The following USP32 variants were observed in gnomAD, a reference collection of about 807,000 sequenced individuals.
The protein encoded by USP32 is ubiquitin specific peptidase 32, also known as ubiquitin carboxyl-terminal hydrolase 32.
USP32 carries 59 observed loss-of-function variants against 204.8 expected under a neutral mutation model. That is an observed-to-expected ratio of 0.29 (90% CI 0.23 to 0.36). The LOEUF (loss-of-function observed/expected upper bound fraction) is 0.36, where lower values mean the gene tolerates loss of function less well. Ranked by LOEUF, USP32 falls within the 10% of genes least tolerant of loss-of-function variation. The pLI, the probability that USP32 is intolerant of heterozygous loss-of-function variation, is 1.00. For synonymous variants in USP32, 517 were observed against 678.4 expected, an observed-to-expected ratio of 0.76 and a Z score of 3.70; for missense variants, 1,160 against 1,946.4, an observed-to-expected ratio of 0.60 and a Z score of 7.60.
At chr17:60,253,847 T>G (rs76417585) in intron 10 of USP32, among the ~76,000 whole-genome samples, 308 of 152,320 alleles carry the variant, frequency 2.0e-3, no homozygotes, top group African/African-American at 7.1e-3. Flanking sequence ...TTTATAGTGG[T>G]GATCTATATT....
chr17:60,208,278 C>G (rs1272811910), intron 23 of USP32, 68 bp from the exon 24 acceptor site: 3 of 1,446,618 alleles, frequency 2.1e-6, no homozygotes, highest in Admixed American at 5.0e-5. Context: ...ATGCTGTGTA[C>G]AGATATATCT....
At chr17:60,197,399 G>A (rs1567757805) in intron 27 of USP32, among the ~76,000 whole-genome samples, 1 of 152,158 alleles carries the variant, frequency 6.6e-6, no homozygotes, top group Admixed American at 6.5e-5. Flanking sequence ...GAGGTTGGAA[G>A]TTTGAGAACA....
chr17:60,366,313 C>T (rs1227123303), intron 1 of USP32, among the ~76,000 whole-genome samples: 1 of 152,134 alleles, frequency 6.6e-6, no homozygotes, highest in Non-Finnish European at 1.5e-5. Context: ...CACATGCCAC[C>T]AGGCCCAGCT....
chr17:60,357,816 T>G (rs2146043386), intron 1 of USP32, among the ~76,000 whole-genome samples: 1 of 152,256 alleles, frequency 6.6e-6, no homozygotes, highest in South Asian at 2.1e-4. Context: ...TTGCCCAGGC[T>G]GGAGTGCAAT....
intron 29 of USP32, among the ~76,000 whole-genome samples, chr17:60,188,835 A>G (rs2084309701): frequency 6.6e-6 from 1 of 152,258 alleles, no homozygotes; most frequent in Non-Finnish European, 1.5e-5. Flanking sequence ...AAGCACATTC[A>G]GAAACCCTAC....
intron 2 of USP32, among the ~76,000 whole-genome samples, chr17:60,341,868 A>G (rs2088667339): frequency 6.6e-6 from 1 of 151,966 alleles, no homozygotes; most frequent in Non-Finnish European, 1.5e-5. Context: ...TAGCTCGGAG[A>G]AGTTTGTTAT....
At chr17:60,405,769 T>A (rs2089970586) in intron 1 of USP32, among the ~76,000 whole-genome samples, 1 of 152,088 alleles carries the variant, frequency 6.6e-6, no homozygotes, top group Non-Finnish European at 1.5e-5. Flanking sequence ...TCTCAAAACA[T>A]AAAATAAAAT....
chr17:60,228,732 G>A (rs1292333665), intron 12 of USP32, among the ~76,000 whole-genome samples: 1 of 151,984 alleles, frequency 6.6e-6, no homozygotes, highest in Non-Finnish European at 1.5e-5. Flanking sequence ...GCTGAGGTGG[G>A]AGGATGGCCT....
At chr17:60,310,529 T>C (rs1437582594) in intron 2 of USP32, among the ~76,000 whole-genome samples, 1 of 151,472 alleles carries the variant, frequency 6.6e-6, no homozygotes, top group Non-Finnish European at 1.5e-5. Context: ...CAAAACTCTG[T>C]CTCTACTAAA....
At chr17:60,316,209 A>G in intron 2 of USP32, 1 of 230,014 alleles carries the variant, frequency 4.3e-6, no homozygotes, top group Admixed American at 5.4e-5. Flanking sequence ...TATATGGAGC[A>G]CATGCTTAAG....
chr17:60,363,180 C>T (rs565436620), intron 1 of USP32, among the ~76,000 whole-genome samples: 6 of 151,684 alleles, frequency 4.0e-5, no homozygotes, highest in East Asian at 1.9e-4. Flanking sequence ...TGAGGCCAGG[C>T]GCGGTGGCTC....
At chr17:60,418,387 C>G (rs1486017114) in intron 1 of USP32, among the ~76,000 whole-genome samples, 5 of 148,844 alleles carry the variant, frequency 3.4e-5, no homozygotes, top group Non-Finnish European at 7.4e-5. Context: ...GCCACCGTGC[C>G]TGGCCTCTGT....
intron 1 of USP32, among the ~76,000 whole-genome samples, chr17:60,374,458 C>T (rs1404408717): frequency 6.6e-6 from 1 of 150,760 alleles, no homozygotes; most frequent in Non-Finnish European, 1.5e-5. Flanking sequence ...AGTGCACTGG[C>T]GTGATCAAGG....
intron 1 of USP32, among the ~76,000 whole-genome samples, chr17:60,414,946 G>A (rs2090049045): frequency 1.3e-5 from 2 of 151,644 alleles, no homozygotes; most frequent in Non-Finnish European, 2.9e-5. Context: ...CGGTCTCCCG[G>A]GTTCAAGCAA....
chr17:60,373,208 A>AGGG (rs2089475853), intron 1 of USP32, among the ~76,000 whole-genome samples: 1 of 151,970 alleles, frequency 6.6e-6, no homozygotes, highest in Admixed American at 6.6e-5. Flanking sequence ...AAAACTAAAA[A>AGGG]TCTTTTTTTA....
intron 11 of USP32, among the ~76,000 whole-genome samples, chr17:60,246,413 A>ATTTTT (rs373810890): frequency 2.1e-5 from 3 of 142,670 alleles, no homozygotes; most frequent in African/African-American, 7.8e-5. Flanking sequence ...ATATATATAT[A>ATTTTT]TTTTTTTTTT....
intron 9 of USP32, 117 bp from the exon 10 acceptor site, chr17:60,255,375 G>T: frequency 1.5e-6 from 1 of 689,002 alleles, no homozygotes; most frequent in Non-Finnish European, 2.2e-6. Flanking sequence ...TTGGCTCACT[G>T]AAACCTCGGC....
At chr17:60,415,568 C>T (rs557002777) in intron 1 of USP32, among the ~76,000 whole-genome samples, 1 of 152,186 alleles carries the variant, frequency 6.6e-6, no homozygotes, top group Non-Finnish European at 1.5e-5. Context: ...CTGGATAGCA[C>T]TTCAAAGGTT....
At chr17:60,296,900 A>C (rs2087443275) in intron 3 of USP32, among the ~76,000 whole-genome samples, 1 of 152,172 alleles carries the variant, frequency 6.6e-6, no homozygotes, top group African/African-American at 2.4e-5. Context: ...AAATCCTTAA[A>C]AACAGATACT....
Sources: gnomAD v4.1 joint callset for allele counts (sites outside exome capture counted in the v4.1 genomes callset) on GRCh38, gnomAD v4.1.1 for gene constraint, MANE v1.5 for transcripts, NCBI Gene and HGNC (gene_info 2026-07-23, HGNC 2026-07-21) for gene names.